TMEM94: variants seen among roughly 807,000 people sequenced by gnomAD.
The protein encoded by TMEM94 is transmembrane protein 94.
Under a neutral mutation model 158.6 loss-of-function variants are expected in TMEM94, and 81 were observed. The observed-to-expected ratio is 0.51, with a 90% CI of 0.43 to 0.61. The LOEUF is 0.61. Among genes scored for constraint, TMEM94 ranks in the 20% least tolerant of loss-of-function variants. The pLI is 0.00. For missense variants in TMEM94, 1,435 were observed against 1,762.0 expected, an observed-to-expected ratio of 0.81 and a Z score of 3.32; for synonymous variants, 751 against 730.7, an observed-to-expected ratio of 1.03 and a Z score of -0.45.
At position 75,498,432 on chromosome 17, in the gene TMEM94, T is replaced by C; in HGVS notation, c.3639-12T>C. ...GCCCTAGAGGGGCTGAGCCCATGCC[T>C]CACTTTGGCAGCAACGACGACAGGG... On this transcript the variant is annotated splice_polypyrimidine_tract_variant and intron_variant, in intron 28 of 31. Coordinates refer to ENST00000314256, the MANE Select transcript of TMEM94 (RefSeq NM_014738.6). The surrounding 1 kb of genome is among the most constrained non-coding windows in gnomAD (Gnocchi z 6.7). 6.3e-7 allele frequency: 1 copy of C among 1,591,348 alleles called. No individual in the cohort carries two copies. Among genetic ancestry groups the C allele is most frequent in the Non-Finnish European group, 8.6e-7 (1 of 1,166,512 alleles).
chr17:75,462,264 A>G (rs973835933), intron 1 of TMEM94, among the ~76,000 whole-genome samples: 1 of 151,714 alleles, frequency 6.6e-6, no homozygotes, highest in Non-Finnish European at 1.5e-5. Flanking sequence ...GCCGGTCTCG[A>G]TCTCTTTACC....
At chr17:75,463,118 ATATATATACGTG>A (rs57254667) in intron 1 of TMEM94, among the ~76,000 whole-genome samples, 41,359 of 51,738 alleles carry the variant, frequency 0.8, 17,680 homozygotes, top group Non-Finnish European at 0.87. Flanking sequence ...ATATATATGT[ATATATATACGTG>A]TATATATGTA....
rs764132714 is a variant in TMEM94 at position 75,492,744 on chromosome 17, CCCGT to C, written c.1870_1873del (p.Val624MetfsTer40). ...GCAAGAGAGCCACAGCGCCGTGCTG[CCCGT>C]CCATGTGCCCTGGGGCCTCTGCGAG... On this transcript the variant is annotated frameshift_variant, in exon 15 of 32. Transcript: ENST00000314256. LOFTEE classifies it high-confidence loss of function. The surrounding 1 kb of genome is among the most constrained non-coding windows in gnomAD (Gnocchi z 4.4). 2.5e-6 allele frequency: 4 copies of C among 1,609,590 alleles called. No individual in the cohort carries two copies. Among genetic ancestry groups the C allele is most frequent in the Non-Finnish European group, 3.4e-6 (4 of 1,179,952 alleles).
Position 75,495,627 on chromosome 17 carries a change from C to T in TMEM94, c.2928C>T (p.Thr976=), listed in dbSNP as rs377381836. 75 of 1,613,408 alleles carry T rather than the reference C, an allele frequency of 4.6e-5. No homozygotes were observed. Among genetic ancestry groups the T allele is most frequent in the Middle Eastern group, 3.3e-4 (2 of 6,076 alleles). Residue 976 remains threonine (T), a synonymous_variant, in exon 22 of 32, where the codon ACC becomes ACT. Transcript: ENST00000314256. The surrounding 1 kb of genome is among the most constrained non-coding windows in gnomAD (Gnocchi z 5.6). ...DNVPLLVPLF[T]DCTPETMCEM... ...TGCCCCTGCTAGTGCCCCTTTTCAC[C>T]GACTGCACCCCAGAGAGTGAGTGCT...
chr17:75,489,839 GGGAGGCCACGGCA>G lies in TMEM94; in HGVS notation c.954+180_954+192del. The G allele has an allele frequency of 1.6e-6, 1 of 629,936 alleles. No individual in the cohort carries two copies. The highest frequency in any genetic ancestry group is 2.8e-6 in the Non-Finnish European group (1 of 354,942). 39.0% of individuals were successfully genotyped at this position (629,936 alleles called of 1,614,324 possible). On this transcript the variant is annotated intron_variant, in intron 9 of 31. Transcript: ENST00000314256. The surrounding 1 kb of genome is among the most constrained non-coding windows in gnomAD (Gnocchi z 5.0). ...CTCAGGCCTGTAATCCAAGCACTTT[GGGAGGCCACGGCA>G]GGCAGATCATGAGGTCAAGAGATCG...
chr17:75,496,625 G>C, intron 24 of TMEM94, 105 bp from the exon 25 acceptor site: 1 of 1,413,656 alleles, frequency 7.1e-7, no homozygotes, highest in Non-Finnish European at 1.0e-6. Flanking sequence ...TGCTCCCCTC[G>C]TAGAAGCATC....
rs2051889675 is a variant in TMEM94, at chr17:75,489,018, G to C, written c.764+108G>C. 2.4e-6 allele frequency: 3 copies of C among 1,227,256 alleles called. No homozygotes were observed. The highest frequency in any genetic ancestry group is 3.4e-6 in the Non-Finnish European group (3 of 872,274). 76.0% of individuals were successfully genotyped at this position (1,227,256 alleles called of 1,614,324 possible). On this transcript the variant is annotated intron_variant, in intron 7 of 31. Transcript: ENST00000314256. The surrounding 1 kb of genome is among the most constrained non-coding windows in gnomAD (Gnocchi z 5.0). ...CATCTCGAGGTTCTCTTGAGGGCAG[G>C]CATCTCCTTAGGCTCCTGTCCTTAA...
Position 75,485,752 on chromosome 17 carries a change from G to A in TMEM94, c.145-119G>A. On this transcript the variant is annotated intron_variant, in intron 3 of 31. Transcript: ENST00000314256. This position sits in a 1 kb window ranked among gnomAD's most constrained non-coding sequence, Gnocchi z 5.5. Reference sequence around the variant, plus strand: ...CAGGAGCCCAACAGGCTGGAGCCCAGCCGAGGTCAAAGAGAGGGGACCAAG... The same window carrying A: ...CAGGAGCCCAACAGGCTGGAGCCCAACCGAGGTCAAAGAGAGGGGACCAAG... The A allele has an allele frequency of 5.7e-6, 8 of 1,401,938 alleles. No individual in the cohort carries two copies. The highest frequency in any genetic ancestry group is 7.7e-6 in the Non-Finnish European group (8 of 1,041,976). 86.8% of individuals were successfully genotyped at this position (1,401,938 alleles called of 1,614,324 possible). A position where few individuals can be genotyped will look rare whatever the true frequency, so the allele number is the denominator to read the frequency against.
rs868342087 is a variant in TMEM94, at chr17:75,489,706, G to A, written c.954+44G>A. 6 of 1,504,340 alleles carry A rather than the reference G, an allele frequency of 4.0e-6. No homozygotes were observed. The highest frequency in any genetic ancestry group is 4.6e-6 in the Non-Finnish European group (5 of 1,082,112). 93.2% of individuals were successfully genotyped at this position (1,504,340 alleles called of 1,614,324 possible). A position where few individuals can be genotyped will look rare whatever the true frequency, so the allele number is the denominator to read the frequency against. ...TCTCTGTCATGCTTCCCTCCGACCC[G>A]CAGGGCTGGCTCTTCTCCTAGTACC... On this transcript the variant is annotated intron_variant, in intron 9 of 31. Coordinates refer to ENST00000314256, the MANE Select transcript of TMEM94 (RefSeq NM_014738.6). This position sits in a 1 kb window ranked among gnomAD's most constrained non-coding sequence, Gnocchi z 5.0.
chr17:75,499,427 A>C lies in TMEM94; in HGVS notation c.*93A>C, dbSNP rs1253541865. On this transcript the variant is annotated 3_prime_UTR_variant, in exon 32 of 32. Coordinates refer to ENST00000314256, the MANE Select transcript of TMEM94 (RefSeq NM_014738.6). ...GGGAGTTTGTATCATGAATGTTTCC[A>C]GGTTTGCTCCTGCACCCGTGGCACT... is the stretch of plus-strand genomic sequence containing the variant. 7.8e-7 allele frequency: 1 copy of C among 1,288,032 alleles called. No individual in the cohort carries two copies. The highest frequency in any genetic ancestry group is 1.8e-5 in the Admixed American group (1 of 54,686). 79.8% of individuals were successfully genotyped at this position (1,288,032 alleles called of 1,614,324 possible). A position where few individuals can be genotyped will look rare whatever the true frequency, so the allele number is the denominator to read the frequency against.
At chr17:75,469,810 A>T (rs1415396898) in intron 1 of TMEM94, among the ~76,000 whole-genome samples, 1 of 151,822 alleles carries the variant, frequency 6.6e-6, no homozygotes, top group Non-Finnish European at 1.5e-5. Flanking sequence ...GATAATAAAT[A>T]AAAATGCCAA....
At position 75,485,487 on chromosome 17, in the gene TMEM94, G is replaced by C. The variant is rs1281438263; in HGVS notation, c.84G>C (p.Glu28Asp). 6 of 1,614,096 alleles carry C rather than the reference G, an allele frequency of 3.7e-6. No individual in the cohort carries two copies. The highest frequency in any genetic ancestry group is 1.3e-5 in the African/African-American group (1 of 74,942). ...GGAAGGCCCTCAGCGTCCTGAAGGAGCAGCTGGAGGCAGTGCTGGAAGGAC... is the reference window on the plus strand; with the variant it reads ...GGAAGGCCCTCAGCGTCCTGAAGGACCAGCTGGAGGCAGTGCTGGAAGGAC... ...STRKALSVLKEQLEAVLEGHL... is the reference protein window; with the variant it reads ...STRKALSVLKDQLEAVLEGHL... The change falls in exon 3 of 32, where the codon GAG becomes GAC. Residue 28 changes from glutamate to aspartate, a missense_variant. Glu to Asp is a conservative substitution (Grantham distance 45, BLOSUM62 2). Coordinates refer to ENST00000314256, the MANE Select transcript of TMEM94 (RefSeq NM_014738.6). The surrounding 1 kb of genome is among the most constrained non-coding windows in gnomAD (Gnocchi z 5.5).
chr17:75,485,823 G>A lies in TMEM94; in HGVS notation c.145-48G>A. ...GGGTGCCGGGGGAGGCAGCCAGATT[G>A]GAGTGGGACAGGCCTCTCATTGTCC... On this transcript the variant is annotated intron_variant, in intron 3 of 31. Transcript: ENST00000314256. This position sits in a 1 kb window ranked among gnomAD's most constrained non-coding sequence, Gnocchi z 5.5. 1 of 1,558,744 alleles carries A rather than the reference G, an allele frequency of 6.4e-7. No individual in the cohort carries two copies.
chr17:75,464,680 T>TTCCTTCCTTCCTTCCTTCC (rs1567907056), intron 1 of TMEM94, among the ~76,000 whole-genome samples: 1 of 44,722 alleles, frequency 2.2e-5, no homozygotes, highest in East Asian at 6.1e-4. Context: ...TCCTTCCTTC[T>TTCCTTCCTTCCTTCCTTCC]TTCTTTCTTT....
In TMEM94 at chr17:75,498,355, C is replaced by G; in HGVS notation, c.3638+32C>G. 6.2e-7 allele frequency: 1 copy of G among 1,612,656 alleles called. No homozygotes were observed. The highest frequency in any genetic ancestry group is 1.3e-5 in the African/African-American group (1 of 75,074). On this transcript the variant is annotated intron_variant, in intron 28 of 31. Coordinates refer to ENST00000314256, the MANE Select transcript of TMEM94 (RefSeq NM_014738.6). The surrounding 1 kb of genome is among the most constrained non-coding windows in gnomAD (Gnocchi z 6.7). ...CCCAGCCCCAGAGATCCACCCATCG[C>G]CTGCCTCGCCTCGAGGCTTCCTCCC...
Position 75,488,917 on chromosome 17 carries a change from G to A in TMEM94, c.764+7G>A. 1 of 1,553,788 alleles carries A rather than the reference G, an allele frequency of 6.4e-7. No homozygotes were observed. Among genetic ancestry groups the A allele is most frequent in the Non-Finnish European group, 8.7e-7 (1 of 1,147,748 alleles). Reference sequence around the variant, plus strand: ...CTGTGATTGACAACATCAGGTAGGGGTGCTGCCCCGCCTCCTCCTGTCCCT... The same window carrying A: ...CTGTGATTGACAACATCAGGTAGGGATGCTGCCCCGCCTCCTCCTGTCCCT... On this transcript the variant is annotated splice_region_variant and intron_variant, in intron 7 of 31. Coordinates refer to ENST00000314256, the MANE Select transcript of TMEM94 (RefSeq NM_014738.6).
intron 2 of TMEM94, among the ~76,000 whole-genome samples, chr17:75,477,012 G>A (rs755717780): frequency 2.0e-5 from 3 of 152,200 alleles, no homozygotes; most frequent in Non-Finnish European, 4.4e-5. Context: ...CCCTGCCAAG[G>A]CATGTGAGGA....
chr17:75,498,263 G>A lies in TMEM94; in HGVS notation c.3578G>A (p.Ser1193Asn). Residue 1193 changes from serine (S) to asparagine (N), a missense_variant, in exon 28 of 32, where the codon AGC becomes AAC. By Grantham distance (46) the Ser-to-Asn change is conservative (BLOSUM62 1). Around this residue, in one of 3 missense-constraint regions of TMEM94, gnomAD observed 335 missense variants for 409.1 expected, o/e 0.82. Coordinates refer to ENST00000314256, the MANE Select transcript of TMEM94 (RefSeq NM_014738.6). This position sits in a 1 kb window ranked among gnomAD's most constrained non-coding sequence, Gnocchi z 6.7. ...CLICFGFTLQ[S>N]FCDSSRDRNL... ...ATCTGCTTTGGCTTCACACTGCAGA[G>A]CTTCTGTGACAGCTCCCGGGACCGC... The A allele has an allele frequency of 6.2e-7, 1 of 1,613,716 alleles. No individual in the cohort carries two copies.
At chr17:75,497,299 T>TCTCACCTCC (rs2052792017) in intron 26 of TMEM94, 101 bp downstream of exon 26, 1 of 851,374 alleles carries the variant, frequency 1.2e-6, no homozygotes, top group Non-Finnish European at 2.0e-6. Context: ...ACTGCTCAGG[T>TCTCACCTCC]CTCACCTCCT....
Sources: allele counts gnomAD v4.1 joint callset (sites outside exome capture counted in the v4.1 genomes callset), GRCh38; gene constraint gnomAD v4.1.1; regional missense constraint gnomAD v4.1.1; non-coding constraint Gnocchi (gnomAD v3.1); transcripts MANE v1.5; gene names NCBI Gene and HGNC (gene_info 2026-07-23, HGNC 2026-07-21).